Variants in SH3BP2 observed in about 807,000 individuals in gnomAD.
SH3BP2 encodes SH3 domain binding protein 2.
SH3BP2 carries 38 observed loss-of-function variants against 56.2 expected under a neutral mutation model. That is an observed-to-expected ratio of 0.68 (90% confidence interval 0.52 to 0.89). The LOEUF is 0.89. SH3BP2 is among the 40% of genes least tolerant of loss of function. SH3BP2 has a pLI of 0.00. For missense variants in SH3BP2, 748 were observed against 762.6 expected, an observed-to-expected ratio of 0.98 and a Z score of 0.23; for synonymous variants, 346 against 316.7, an observed-to-expected ratio of 1.09 and a Z score of -0.98.
rs765607387 is a variant in SH3BP2 at position 2,825,107 on chromosome 4, C to A, written c.358-19C>A. 6.4e-7 allele frequency: 1 copy of A among 1,559,908 alleles called. No individual in the cohort carries two copies. Among genetic ancestry groups the A allele is most frequent in the South Asian group, 1.2e-5 (1 of 84,716 alleles). On this transcript the variant is annotated intron_variant, in intron 4 of 12. Coordinates refer to ENST00000503393, the MANE Select transcript of SH3BP2 (RefSeq NM_001122681.2). ...CACCCTGGTGGCACCGTGCCCACCA[C>A]AGCCCCGCTGACCTGCAGAGCTGGA...
At chr4:2,828,221 G>C (rs1467949253) in intron 7 of SH3BP2, among the ~76,000 whole-genome samples, 1 of 151,634 alleles carries the variant, frequency 6.6e-6, no homozygotes, top group African/African-American at 2.4e-5. Flanking sequence ...CCTCCCTATT[G>C]TCTCTCCAGC....
intron 7 of SH3BP2, among the ~76,000 whole-genome samples, chr4:2,828,203 C>T (rs1261467568): frequency 2.1e-5 from 3 of 139,962 alleles, no homozygotes; most frequent in Non-Finnish European, 4.9e-5. Flanking sequence ...CGCCTCCCTC[C>T]CTTCCTCCCT....
chr4:2,825,556 A>G (rs957598606), intron 5 of SH3BP2, among the ~76,000 whole-genome samples: 19 of 151,602 alleles, frequency 1.3e-4, no homozygotes, highest in African/African-American at 1.9e-4. Context: ...AGCAACACGC[A>G]GACATGCACA....
At chr4:2,793,347 C>T (rs1722960204) in intron 1 of SH3BP2, among the ~76,000 whole-genome samples, 1 of 141,456 alleles carries the variant, frequency 7.1e-6, no homozygotes, top group Non-Finnish European at 1.6e-5. Flanking sequence ...CCCGGCAGGT[C>T]TTGGCAGGTC....
intron 1 of SH3BP2, among the ~76,000 whole-genome samples, chr4:2,805,859 C>G (rs893636767): frequency 2.0e-5 from 3 of 152,172 alleles, no homozygotes; most frequent in African/African-American, 7.2e-5. Flanking sequence ...GTGGAGGGCA[C>G]TGCTGCTGCC....
At chr4:2,820,140 C>T (rs1414759997) in intron 1 of SH3BP2, among the ~76,000 whole-genome samples, 3 of 152,180 alleles carry the variant, frequency 2.0e-5, no homozygotes, top group African/African-American at 7.2e-5. Context: ...GATGGGAGCC[C>T]AGGTCGTTTG....
intron 1 of SH3BP2, among the ~76,000 whole-genome samples, chr4:2,801,149 G>T (rs141712089): frequency 0.03 from 4,508 of 151,626 alleles, 139 homozygotes; most frequent in Non-Finnish European, 0.04. Context: ...GGTGCAGAGA[G>T]GCTGCGGCAG....
chr4:2,795,301 G>A (rs557746762), intron 1 of SH3BP2, among the ~76,000 whole-genome samples: 42 of 152,198 alleles, frequency 2.8e-4, no homozygotes, highest in Non-Finnish European at 5.1e-4. Flanking sequence ...GGAGTGGCCA[G>A]TGTTGGGCAG....
At chr4:2,814,032 T>G (rs1723882603) in intron 1 of SH3BP2, among the ~76,000 whole-genome samples, 1 of 152,212 alleles carries the variant, frequency 6.6e-6, no homozygotes, top group East Asian at 1.9e-4. Flanking sequence ...CTTGACCCTG[T>G]GGTCACATGA....
rs547919349 is a variant in SH3BP2 at position 2,812,588 on chromosome 4, G to T, written c.-4-8026G>T. 8.8e-6 allele frequency: 12 copies of T among 1,363,290 alleles called. No homozygotes were observed. The South Asian group carries it at 1.7e-4, about 19-fold the overall frequency. The allele number at this position is 1,363,290 out of a possible 1,614,324, so 84.4% of individuals were successfully genotyped here. On this transcript the variant is annotated intron_variant, in intron 1 of 12. Transcript: ENST00000503393. ...GCCACAGCCTTCCTCGGGGCTGGCC[G>T]TGGGAGCCCACAGGAGGTGGCCCTG...
intron 1 of SH3BP2, among the ~76,000 whole-genome samples, chr4:2,803,059 G>A (rs983334202): frequency 5.1e-4 from 78 of 152,208 alleles, no homozygotes; most frequent in South Asian, 6.2e-4. Flanking sequence ...GGTTTTGTGC[G>A]GTCCAAGGGA....
rs116666035 is a variant in SH3BP2, at chr4:2,827,108, C to T, written c.429-122C>T. On this transcript the variant is annotated intron_variant, in intron 5 of 12. Transcript: ENST00000503393. ...GTGTGCATGTGTTTGTCAGTGTATC[C>T]GTGTGTGCATCTGTGTATCTGTCCA... The T allele has an allele frequency of 1.5e-3, 1,107 of 761,850 alleles. 4 individuals are homozygous for T. The highest frequency in any genetic ancestry group is 6.7e-3 in the Middle Eastern group (30 of 4,488). 47.2% of individuals were successfully genotyped at this position (761,850 alleles called of 1,614,324 possible). A position where few individuals can be genotyped will look rare whatever the true frequency, so the allele number is the denominator to read the frequency against.
At position 2,827,779 on chromosome 4, in the gene SH3BP2, C is replaced by A. The variant is rs1372475026; in HGVS notation, c.586+105C>A. The A allele has an allele frequency of 5.3e-6, 5 of 946,448 alleles. No homozygotes were observed. The African/African-American group carries it at 6.5e-5, about 12-fold the overall frequency. 58.6% of individuals were successfully genotyped at this position (946,448 alleles called of 1,614,324 possible). ...GCTGGGGATGCTGGCCCAGGTACCG[C>A]TCTGGGTGGCTTCCGCTTCCCTGCT... On this transcript the variant is annotated intron_variant, in intron 7 of 12. Coordinates refer to ENST00000503393, the MANE Select transcript of SH3BP2 (RefSeq NM_001122681.2).
intron 11 of SH3BP2, among the ~76,000 whole-genome samples, chr4:2,832,628 G>A (rs909867304): frequency 2.6e-5 from 4 of 152,238 alleles, no homozygotes; most frequent in African/African-American, 9.6e-5. Context: ...CCCAGTGGGG[G>A]CCAGGACTCG....
intron 11 of SH3BP2, 25 bp from the exon 12 acceptor site, chr4:2,832,965 T>G (rs1272151073): frequency 1.2e-6 from 2 of 1,613,232 alleles, no homozygotes; most frequent in Non-Finnish European, 1.7e-6. Context: ...CAGGGAGCCG[T>G]CAGCCTCCCG....
rs1199781870 is a variant in SH3BP2 at position 2,810,487 on chromosome 4, C to G, written c.-4-10127C>G. Reference sequence around the variant, plus strand: ...TCCTGCTTCCAGCTCAGGCCTTGTCCGCTCTTGCATTTGCCTGCCCAGTAA... The same window carrying G: ...TCCTGCTTCCAGCTCAGGCCTTGTCGGCTCTTGCATTTGCCTGCCCAGTAA... On this transcript the variant is annotated intron_variant, in intron 1 of 12. Coordinates refer to ENST00000503393, the MANE Select transcript of SH3BP2 (RefSeq NM_001122681.2). This position sits in a 1 kb window ranked among gnomAD's most constrained non-coding sequence, Gnocchi z 4.2. 6.6e-6 allele frequency among the ~76,000 whole-genome samples: 1 copy of G among 151,902 alleles called. No homozygotes were observed. Among genetic ancestry groups the G allele is most frequent in the African/African-American group, 2.4e-5 (1 of 41,416 alleles).
intron 1 of SH3BP2, among the ~76,000 whole-genome samples, chr4:2,814,171 G>C (rs1560101380): frequency 6.6e-6 from 1 of 152,256 alleles, no homozygotes; most frequent in Non-Finnish European, 1.5e-5. Context: ...TGCACGTCCT[G>C]TGTGAGTGCA....
At chr4:2,803,235 G>C (rs2003806) in intron 1 of SH3BP2, among the ~76,000 whole-genome samples, 36,540 of 152,172 alleles carry the variant, frequency 0.24, 4,974 homozygotes, top group African/African-American at 0.37. Context: ...CCTGACCTCT[G>C]CCGTTGGCTC....
chr4:2,793,989 C>T (rs2108691558), intron 1 of SH3BP2, among the ~76,000 whole-genome samples: 1 of 152,348 alleles, frequency 6.6e-6, no homozygotes, highest in East Asian at 1.9e-4. Context: ...GTGAGCACCT[C>T]CTATCCCCTC....
Sources: allele counts gnomAD v4.1 joint callset (sites outside exome capture counted in the v4.1 genomes callset), GRCh38; gene constraint gnomAD v4.1.1; non-coding constraint Gnocchi (gnomAD v3.1); transcripts MANE v1.5; gene names NCBI Gene and HGNC (gene_info 2026-07-23, HGNC 2026-07-21).